Variants in DNAH17 observed in about 807,000 individuals in gnomAD.
DNAH17 encodes the protein axonemal beta dynein heavy chain 17.
In DNAH17, 376 loss-of-function variants were observed where a neutral mutation model predicts 485.6. The observed-to-expected ratio is 0.77, with a 90% CI of 0.71 to 0.84. DNAH17 has a LOEUF of 0.84. Among genes scored for constraint, DNAH17 ranks in the 40% least tolerant of loss-of-function variants. The pLI is 0.00. For synonymous variants in DNAH17, 3,031 were observed against 2,405.9 expected, an observed-to-expected ratio of 1.26 and a Z score of -7.60; for missense variants, 6,370 against 5,839.3, an observed-to-expected ratio of 1.09 and a Z score of -2.96.
At chr17:78,545,974 AT>A (rs58000479) in intron 16 of DNAH17, among the ~76,000 whole-genome samples, 63,335 of 150,056 alleles carry the variant, frequency 0.42, 13,991 homozygotes, top group East Asian at 0.68. Context: ...ACCATTTGAA[AT>A]TTTTTTTTTT....
chr17:78,558,949 G>A (rs886717321), intron 13 of DNAH17, among the ~76,000 whole-genome samples: 10 of 152,176 alleles, frequency 6.6e-5, no homozygotes, highest in Admixed American at 6.5e-4. Flanking sequence ...TTCCTTCTGG[G>A]CACACAGTGT....
intron 6 of DNAH17, 112 bp downstream of exon 6, chr17:78,570,836 G>A: frequency 1.6e-6 from 1 of 623,910 alleles, no homozygotes; most frequent in South Asian, 2.1e-5. Flanking sequence ...CTAGCCTGGT[G>A]ACAGAGCGAG....
intron 13 of DNAH17, among the ~76,000 whole-genome samples, chr17:78,560,384 T>C (rs1219000789): frequency 1.3e-5 from 2 of 152,118 alleles, no homozygotes; most frequent in Non-Finnish European, 2.9e-5. Context: ...GTTTTAGCCA[T>C]AGAACCCACA....
chr17:78,463,524 A>C (rs2088257975), intron 56 of DNAH17, among the ~76,000 whole-genome samples: 1 of 152,200 alleles, frequency 6.6e-6, no homozygotes. Context: ...ACATACCTGC[A>C]TATGTACACG....
In DNAH17 at chr17:78,427,737, C is replaced by T. The variant is rs531700179; in HGVS notation, c.12589-629G>A. Among the ~76,000 whole-genome samples, 7 of 152,094 alleles carry T rather than the reference C, an allele frequency of 4.6e-5. No homozygotes were observed. In the East Asian group the frequency reaches 7.7e-4, roughly 17 times the overall value. ...CTGTAACCCCAGCACTTTAGGAGGC[C>T]GAGGCGGGATGGTCACCTGAGATCA... is the stretch of plus-strand genomic sequence containing the variant. On this transcript the variant is annotated intron_variant, in intron 77 of 80. Transcript: ENST00000389840.
intron 65 of DNAH17, among the ~76,000 whole-genome samples, chr17:78,452,726 A>G (rs1436244845): frequency 6.6e-6 from 1 of 152,236 alleles, no homozygotes; most frequent in East Asian, 1.9e-4. Context: ...CGACAGAGCG[A>G]GACTCCATCT....
chr17:78,526,827 T>G (rs1157302257), intron 23 of DNAH17, 53 bp downstream of exon 23: 51 of 1,556,582 alleles, frequency 3.3e-5, no homozygotes, highest in Non-Finnish European at 4.4e-5. Context: ...GGGCCCTGGG[T>G]GAGCCCCACG....
chr17:78,442,934 G>T (rs1040786199), intron 71 of DNAH17, among the ~76,000 whole-genome samples: 6 of 152,194 alleles, frequency 3.9e-5, no homozygotes, highest in African/African-American at 1.4e-4. Context: ...TATTAGTCAC[G>T]TCTGTTTCAA....
intron 79 of DNAH17, among the ~76,000 whole-genome samples, chr17:78,425,851 C>T (rs62073472): frequency 0.086 from 12,939 of 150,584 alleles, 610 homozygotes; most frequent in Middle Eastern, 0.16. Context: ...ACGCAACCTC[C>T]GCCTCCCGGG....
chr17:78,434,523 G>A (rs919096655), intron 74 of DNAH17, among the ~76,000 whole-genome samples: 1 of 151,994 alleles, frequency 6.6e-6, no homozygotes, highest in Non-Finnish European at 1.5e-5. Context: ...TGGACATTTC[G>A]GGACTACTTT....
chr17:78,514,303 G>A (rs954954722), intron 26 of DNAH17, among the ~76,000 whole-genome samples: 7 of 151,952 alleles, frequency 4.6e-5, no homozygotes, highest in Admixed American at 1.3e-4. Flanking sequence ...TCAGGAGTTC[G>A]AGACCAGCCT....
At chr17:78,453,504 C>G in intron 64 of DNAH17, 39 bp from the exon 65 acceptor site, 1 of 1,611,638 alleles carries the variant, frequency 6.2e-7, no homozygotes, top group Non-Finnish European at 8.5e-7. Flanking sequence ...TGGCAGAGGG[C>G]CTCGTGATGG....
intron 62 of DNAH17, 96 bp from the exon 63 acceptor site, chr17:78,455,932 T>G: frequency 9.2e-7 from 1 of 1,091,864 alleles, no homozygotes; most frequent in Non-Finnish European, 1.2e-6. Context: ...ATCTTCAGAG[T>G]TTCCCGTCTG....
At chr17:78,529,001 T>C (rs2091154303) in intron 22 of DNAH17, among the ~76,000 whole-genome samples, 1 of 151,530 alleles carries the variant, frequency 6.6e-6, no homozygotes, top group South Asian at 2.1e-4. Context: ...TGGAGTGCAG[T>C]GGTGCGATCT....
chr17:78,567,597 A>G (rs1460005198), intron 9 of DNAH17, among the ~76,000 whole-genome samples: 2 of 152,164 alleles, frequency 1.3e-5, no homozygotes, highest in African/African-American at 4.8e-5. Flanking sequence ...AGACCATCCT[A>G]TGCAGAGTGC....
chr17:78,440,614 TC>T (rs1295817263), intron 72 of DNAH17, among the ~76,000 whole-genome samples: 1 of 152,176 alleles, frequency 6.6e-6, no homozygotes, highest in Non-Finnish European at 1.5e-5. Flanking sequence ...GCCACCATAT[TC>T]TGTTTATCCA....
intron 26 of DNAH17, among the ~76,000 whole-genome samples, 186 bp downstream of exon 26, chr17:78,514,588 C>CA (rs1296177684): frequency 1.3e-5 from 2 of 152,046 alleles, no homozygotes; most frequent in African/African-American, 4.8e-5. Context: ...CCTGCCCCAC[C>CA]ACCCCCAACC....
chr17:78,439,734 A>G (rs1211407614), intron 72 of DNAH17, among the ~76,000 whole-genome samples: 1 of 132,710 alleles, frequency 7.5e-6, no homozygotes, highest in African/African-American at 2.9e-5. Context: ...CAGTGGTGCC[A>G]TCTCTGCTCA....
chr17:78,525,243 C>T, intron 24 of DNAH17, 82 bp from the exon 25 acceptor site: 1 of 1,532,606 alleles, frequency 6.5e-7, no homozygotes, highest in Admixed American at 1.8e-5. Flanking sequence ...CTGCCCGTCT[C>T]TCCAGTGTGC....
Sources: allele counts gnomAD v4.1 joint callset (sites outside exome capture counted in the v4.1 genomes callset), GRCh38; gene constraint gnomAD v4.1.1; transcripts MANE v1.5; gene names NCBI Gene and HGNC (gene_info 2026-07-23, HGNC 2026-07-21).